The following RUNX1 variants were observed in gnomAD, a reference collection of about 807,000 sequenced individuals.
RUNX1 encodes the protein RUNX family transcription factor 1, also known as runt-related transcription factor 1.
In RUNX1, 19 loss-of-function variants were observed where a neutral mutation model predicts 42.8. That is an observed-to-expected ratio of 0.44 (90% CI 0.31 to 0.65). The LOEUF (loss-of-function observed/expected upper bound fraction) is 0.65. Among genes scored for constraint, RUNX1 ranks in the 30% least tolerant of loss-of-function variants. The probability of loss-of-function intolerance (pLI) is 0.07; values close to 1 mark genes in which losing one functional copy is unlikely to be tolerated. For synonymous variants in RUNX1, 271 were observed against 289.4 expected, an observed-to-expected ratio of 0.94 and a Z score of 0.64; for missense variants, 528 against 672.0, an observed-to-expected ratio of 0.79 and a Z score of 2.37.
At chr21:34,944,582 T>C (rs537667704) in intron 2 of RUNX1, among the ~76,000 whole-genome samples, 3 of 152,328 alleles carry the variant, frequency 2.0e-5, no homozygotes, top group East Asian at 3.9e-4. Flanking sequence ...AAATGTCATT[T>C]GGCAAACTTG....
In RUNX1 at chr21:34,907,210, C is replaced by CT. The variant is rs2146507600; in HGVS notation, c.59-14248dup. On this transcript the variant is annotated intron_variant, in intron 2 of 8. Transcript: ENST00000675419. This position sits in a 1 kb window ranked among gnomAD's most constrained non-coding sequence, Gnocchi z 5.3. ...AGAAAACCTAAACAGGAGAATCCCA[C>CT]TTAGCATCTGCCCACAGGTAAGGGG... is the stretch of plus-strand genomic sequence containing the variant. Among the ~76,000 whole-genome samples the CT allele has an allele frequency of 6.6e-6, 1 of 152,258 alleles. No individual in the cohort carries two copies. Among genetic ancestry groups the CT allele is most frequent in the East Asian group, 1.9e-4 (1 of 5,182 alleles).
At chr21:34,813,357 G>A (rs1284490759) in intron 7 of RUNX1, among the ~76,000 whole-genome samples, 1 of 152,210 alleles carries the variant, frequency 6.6e-6, no homozygotes, top group Non-Finnish European at 1.5e-5. Context: ...CAAGACGGAA[G>A]ATGTGACTTC....
intron 2 of RUNX1, among the ~76,000 whole-genome samples, chr21:34,928,650 A>C (rs1279860399): frequency 6.6e-6 from 1 of 151,416 alleles, no homozygotes; most frequent in Non-Finnish European, 1.5e-5. Context: ...ACTGCACTCC[A>C]GCCTGGGCGA....
chr21:34,806,535 T>C (rs2056682617), intron 7 of RUNX1, among the ~76,000 whole-genome samples: 1 of 152,302 alleles, frequency 6.6e-6, no homozygotes, highest in African/African-American at 2.4e-5. Context: ...GCTATTACAA[T>C]TGGAGACTTC....
chr21:34,791,927 G>T lies in RUNX1; in HGVS notation c.*208C>A. On this transcript the variant is annotated 3_prime_UTR_variant, in exon 9 of 9. Transcript: ENST00000675419. ...CACCTCCGCGAGGGCCGGGGCGCCA[G>T]CAGACGGCGGCGGCGTGGGCTTCTG... 1 of 325,702 alleles carries T rather than the reference G, an allele frequency of 3.1e-6. No individual in the cohort carries two copies. The highest frequency in any genetic ancestry group is 4.6e-5 in the South Asian group (1 of 21,656). 20.2% of individuals were successfully genotyped at this position (325,702 alleles called of 1,614,324 possible).
At chr21:34,870,818 C>T in intron 5 of RUNX1, among the ~76,000 whole-genome samples, 1 of 152,014 alleles carries the variant, frequency 6.6e-6, no homozygotes, top group East Asian at 1.9e-4. Context: ...ATTATCCAGG[C>T]GTGGTGGTGC....
Position 34,843,708 on chromosome 21 carries a change from C to T in RUNX1, c.614-9107G>A, listed in dbSNP as rs1308982023. 3.3e-5 allele frequency among the ~76,000 whole-genome samples: 5 copies of T among 151,832 alleles called. No individual in the cohort carries two copies. Among genetic ancestry groups the T allele is most frequent in the East Asian group, 2.0e-4 (1 of 5,096 alleles). On this transcript the variant is annotated intron_variant, in intron 6 of 8. Transcript: ENST00000675419. This position sits in a 1 kb window ranked among gnomAD's most constrained non-coding sequence, Gnocchi z 4.8. ...CCCTGCACCATGCGCCCAAGACTCA[C>T]GGGACAAAAACCCAAACAAAACTCT... is the stretch of plus-strand genomic sequence containing the variant.
intron 2 of RUNX1, among the ~76,000 whole-genome samples, chr21:34,982,925 T>G (rs1342524005): frequency 6.6e-6 from 1 of 152,228 alleles, no homozygotes; most frequent in Non-Finnish European, 1.5e-5. Context: ...TTCAAGGTCT[T>G]ATAACCGTTA....
At chr21:35,040,062 C>G (rs1261481895) in intron 2 of RUNX1, among the ~76,000 whole-genome samples, 1 of 152,150 alleles carries the variant, frequency 6.6e-6, no homozygotes, top group African/African-American at 2.4e-5. Flanking sequence ...AGTTCCTACC[C>G]ACTCTTGCAT....
At chr21:34,928,460 G>A (rs1177532258) in intron 2 of RUNX1, among the ~76,000 whole-genome samples, 1 of 152,102 alleles carries the variant, frequency 6.6e-6, no homozygotes, top group African/African-American at 2.4e-5. Flanking sequence ...TTGGGAGGCC[G>A]AGGTGGATGG....
chr21:34,817,109 T>A (rs1366009466), intron 7 of RUNX1, among the ~76,000 whole-genome samples: 4 of 152,178 alleles, frequency 2.6e-5, no homozygotes, highest in African/African-American at 9.7e-5. Flanking sequence ...GTCCCTGGAC[T>A]CTCTGAAGGC....
intron 2 of RUNX1, among the ~76,000 whole-genome samples, chr21:34,974,105 T>C (rs2058782497): frequency 6.6e-6 from 1 of 152,200 alleles, no homozygotes; most frequent in Non-Finnish European, 1.5e-5. Flanking sequence ...AAAATTTTCT[T>C]CTCTGTTTTC....
At chr21:34,866,492 C>T (rs149126180) in intron 5 of RUNX1, among the ~76,000 whole-genome samples, 1 of 152,126 alleles carries the variant, frequency 6.6e-6, no homozygotes, top group Non-Finnish European at 1.5e-5. Context: ...AACGTACCCT[C>T]GGATTCCAGG....
At chr21:34,984,218 A>G (rs1245743226) in intron 2 of RUNX1, among the ~76,000 whole-genome samples, 1 of 152,198 alleles carries the variant, frequency 6.6e-6, no homozygotes, top group Non-Finnish European at 1.5e-5. Flanking sequence ...GAGTAGCTAG[A>G]GAAAAAAATG....
In RUNX1 at chr21:34,792,734, A is replaced by G; in HGVS notation, c.968-124T>C. ...CTAGGAGGATGGGAAGCCACCCAGG[A>G]TGCTACTGCTGGGGAGGACGGGGAC... On this transcript the variant is annotated intron_variant, in intron 8 of 8. Coordinates refer to ENST00000675419, the MANE Select transcript of RUNX1 (RefSeq NM_001754.5). This position sits in a 1 kb window ranked among gnomAD's most constrained non-coding sequence, Gnocchi z 6.9. 1 of 964,626 alleles carries G rather than the reference A, an allele frequency of 1.0e-6. No homozygotes were observed. Among genetic ancestry groups the G allele is most frequent in the Non-Finnish European group, 1.5e-6 (1 of 665,662 alleles). The allele number at this position is 964,626 out of a possible 1,614,324, so 59.8% of individuals were successfully genotyped here. A position where few individuals can be genotyped will look rare whatever the true frequency, so the allele number is the denominator to read the frequency against.
At chr21:34,900,999 G>A (rs187216374) in intron 2 of RUNX1, among the ~76,000 whole-genome samples, 2 of 152,266 alleles carry the variant, frequency 1.3e-5, no homozygotes, top group East Asian at 3.9e-4. Context: ...CAGTTTGCTG[G>A]CAATCTACCA....
chr21:34,792,309 G>GGGCC lies in RUNX1; in HGVS notation c.1268_1269insGGCC (p.Ser424AlafsTer177). On this transcript the variant is annotated frameshift_variant, in exon 9 of 9. Coordinates refer to ENST00000675419, the MANE Select transcript of RUNX1 (RefSeq NM_001754.5). LOFTEE classifies it high-confidence loss of function. The surrounding 1 kb of genome is among the most constrained non-coding windows in gnomAD (Gnocchi z 6.9). The stretch of plus-strand genomic sequence containing the variant: ...AGGGCGGCAGGATGCGCGGCGGCGA[G>GGGCC]CGCTCGCCGCCCACCATGGAGAACT... 6.5e-7 allele frequency: 1 copy of GGGCC among 1,542,486 alleles called. No homozygotes were observed.
chr21:35,009,915 A>G (rs1433708482), intron 2 of RUNX1, among the ~76,000 whole-genome samples: 3 of 152,228 alleles, frequency 2.0e-5, no homozygotes, highest in Non-Finnish European at 4.4e-5. Context: ...GCAGATGACC[A>G]TATGCCACTT....
intron 7 of RUNX1, among the ~76,000 whole-genome samples, chr21:34,804,695 A>C (rs1303609943): frequency 2.0e-5 from 3 of 152,144 alleles, no homozygotes; most frequent in Non-Finnish European, 4.4e-5. Context: ...TGGAAAAAGA[A>C]GACAAGGTGC....
Sources: allele counts gnomAD v4.1 joint callset (sites outside exome capture counted in the v4.1 genomes callset), GRCh38; gene constraint gnomAD v4.1.1; non-coding constraint Gnocchi (gnomAD v3.1); transcripts MANE v1.5; gene names NCBI Gene and HGNC (gene_info 2026-07-23, HGNC 2026-07-21).